Variants in WDR27 observed in about 807,000 individuals in gnomAD.
The protein encoded by WDR27 is WD repeat-containing protein 27.
A neutral mutation model predicts 114.4 loss-of-function variants in WDR27; 100 were observed. That is an observed-to-expected ratio of 0.87 (90% CI 0.74 to 1.03). The LOEUF (loss-of-function observed/expected upper bound fraction) is 1.03. WDR27 is among the 50% of genes least tolerant of loss of function. WDR27 has a pLI of 0.00. For synonymous variants in WDR27, 449 were observed against 423.1 expected, an observed-to-expected ratio of 1.06 and a Z score of -0.75; for missense variants, 1,129 against 1,092.9, an observed-to-expected ratio of 1.03 and a Z score of -0.47.
intron 17 of WDR27, among the ~76,000 whole-genome samples, 176 bp from the exon 18 acceptor site, chr6:169,638,836 G>T (rs1018290469): frequency 6.6e-6 from 1 of 152,240 alleles, no homozygotes; most frequent in Non-Finnish European, 1.5e-5. Flanking sequence ...GAGGCAGGGT[G>T]CACCATCTCC....
chr6:169,586,844 T>G (rs1804692757), intron 23 of WDR27, among the ~76,000 whole-genome samples: 2 of 6,290 alleles, frequency 3.2e-4, no homozygotes, highest in Non-Finnish European at 8.0e-4. Flanking sequence ...CTAGACTCTG[T>G]CTCAAAAAAA....
At chr6:169,444,670 T>G in the WDR27 span, among the ~76,000 whole-genome samples, 182 of 120,690 alleles carry the variant, frequency 1.5e-3, no homozygotes, top group Middle Eastern at 0.023. Flanking sequence ...TGTTTTTTTG[T>G]TTTTTTTTTT....
In WDR27 at chr6:169,694,031, C is replaced by T. The variant is rs114534536; in HGVS notation, c.-7-5019G>A. Among the ~76,000 whole-genome samples, 1,323 of 152,222 alleles carry T rather than the reference C, an allele frequency of 8.7e-3. 19 individuals are homozygous for T. The highest frequency in any genetic ancestry group is 0.031 in the African/African-American group (1,271 of 41,534). ...GCCTTGTTAAATGTAACAGTCATGC[C>T]GGGCGCAGTGGCTCACATCTGTAAT... On this transcript the variant is annotated intron_variant, in intron 1 of 25. Transcript: ENST00000448612.
At chr6:169,432,891 A>G in the WDR27 span, among the ~76,000 whole-genome samples, 5 of 152,232 alleles carry the variant, frequency 3.3e-5, no homozygotes, top group Admixed American at 2.0e-4. Flanking sequence ...AACTTCCTAG[A>G]GACTTGGAGG....
intron 25 of WDR27, among the ~76,000 whole-genome samples, chr6:169,523,670 A>G (rs1344287922): frequency 2.6e-5 from 4 of 152,162 alleles, no homozygotes; most frequent in African/African-American, 4.8e-5. Flanking sequence ...TCACATCAAC[A>G]GAATTAAGGA....
the WDR27 span, among the ~76,000 whole-genome samples, chr6:169,448,373 T>C: frequency 5.6e-4 from 84 of 148,882 alleles, no homozygotes; most frequent in African/African-American, 2.0e-3. Flanking sequence ...TCTCTCTCTC[T>C]CCCTCTGTCT....
chr6:169,586,488 C>G (rs974987792), intron 23 of WDR27, among the ~76,000 whole-genome samples: 1 of 152,048 alleles, frequency 6.6e-6, no homozygotes, highest in Non-Finnish European at 1.5e-5. Flanking sequence ...GGGGGCAAGA[C>G]CACTTTGACG....
rs1344231285 is a variant in WDR27 at position 169,638,634 on chromosome 6, A to C, written c.1774T>G (p.Cys592Gly). 5.6e-6 allele frequency: 9 copies of C among 1,606,098 alleles called. No homozygotes were observed. The highest frequency in any genetic ancestry group is 1.3e-5 in the African/African-American group (1 of 74,746). The stretch of plus-strand genomic sequence containing the variant: ...AGCCACCTCCGGTCCTGGCTCCAGC[A>C]CACGGCATTCACTGCCCCGTCGTGA... ...SGHDGAVNAV[C>G]WSQDRRWLLS... Residue 592 changes from cysteine to glycine, a missense_variant, in exon 18 of 26, where the codon TGC becomes GGC. By Grantham distance (159) the Cys-to-Gly change is radical. Coordinates refer to ENST00000448612, the MANE Select transcript of WDR27 (RefSeq NM_182552.5).
intron 25 of WDR27, among the ~76,000 whole-genome samples, chr6:169,531,026 T>C (rs1262598694): frequency 6.6e-6 from 1 of 152,196 alleles, no homozygotes. Context: ...TAGCACTGCC[T>C]GACATGTTGT....
At chr6:169,530,670 C>T (rs1349720869) in intron 25 of WDR27, among the ~76,000 whole-genome samples, 2 of 152,190 alleles carry the variant, frequency 1.3e-5, no homozygotes, top group African/African-American at 4.8e-5. Context: ...TGGTATAACG[C>T]AGCACCGCCC....
rs1050514812 is a variant in WDR27 at position 169,667,120 on chromosome 6, A to G, written c.712+16T>C. The G allele has an allele frequency of 1.3e-6, 2 of 1,509,064 alleles. No individual in the cohort carries two copies. The highest frequency in any genetic ancestry group is 8.8e-7 in the Non-Finnish European group (1 of 1,131,472). The allele number at this position is 1,509,064 out of a possible 1,614,324, so 93.5% of individuals were successfully genotyped here. The stretch of plus-strand genomic sequence containing the variant: ...ACACAACCTATTTACAGAAAACATG[A>G]AAGTTTTAAATTTACCTGATAACAC... On this transcript the variant is annotated intron_variant, in intron 6 of 25. Transcript: ENST00000448612.
At position 169,553,058 on chromosome 6, in the gene WDR27, CTGTGTGTGTGTGTG is replaced by C. The variant is rs3033612; in HGVS notation, c.2645+19347_2645+19360del. 3.3e-4 allele frequency among the ~76,000 whole-genome samples: 10 copies of C among 30,136 alleles called. 1 individual carries two copies. The highest frequency in any genetic ancestry group is 7.9e-4 in the East Asian group (1 of 1,264). 19.8% of individuals were successfully genotyped at this position (30,136 alleles called of 152,430 possible). ...GGGAGGTGGGGAGGGCCTGGAGGGC[CTGTGTGTGTGTGTG>C]TGTGTGTGTGTGTGTGTGTGTGTAT... On this transcript the variant is annotated intron_variant, in intron 25 of 25. Transcript: ENST00000448612.
chr6:169,674,707 A>C (rs1158995569), intron 2 of WDR27, among the ~76,000 whole-genome samples: 4 of 152,196 alleles, frequency 2.6e-5, no homozygotes, highest in Non-Finnish European at 5.9e-5. Context: ...AAACCCGTAG[A>C]ACCCCAATGA....
At chr6:169,675,739 A>G (rs1779920859) in intron 2 of WDR27, among the ~76,000 whole-genome samples, 1 of 152,204 alleles carries the variant, frequency 6.6e-6, no homozygotes, top group Non-Finnish European at 1.5e-5. Flanking sequence ...GGTTAAGATA[A>G]AGGATTGTGG....
intron 25 of WDR27, among the ~76,000 whole-genome samples, chr6:169,498,156 C>T (rs1453429945): frequency 1.3e-5 from 2 of 151,884 alleles, no homozygotes; most frequent in Non-Finnish European, 2.9e-5. Flanking sequence ...CCAGTTACAA[C>T]AGGGCAAATG....
At chr6:169,690,290 C>A (rs551504848) in intron 1 of WDR27, among the ~76,000 whole-genome samples, 1 of 152,238 alleles carries the variant, frequency 6.6e-6, no homozygotes, top group Non-Finnish European at 1.5e-5. Flanking sequence ...AAAAATCCAC[C>A]CGTGTGCTCC....
At chr6:169,475,595 T>C (rs1787038793) in intron 25 of WDR27, among the ~76,000 whole-genome samples, 1 of 151,446 alleles carries the variant, frequency 6.6e-6, no homozygotes, top group Non-Finnish European at 1.5e-5. Context: ...AATCGTTTTA[T>C]TTTTCACAAT....
chr6:169,669,388 C>T (rs1203261163), intron 4 of WDR27: 1 of 152,196 alleles, frequency 6.6e-6, no homozygotes, highest in Non-Finnish European at 1.5e-5. Context: ...GCAGCAGGCA[C>T]CTGCTTACTC....
chr6:169,665,870 C>T (rs74886251), intron 6 of WDR27, among the ~76,000 whole-genome samples: 3,103 of 152,330 alleles, frequency 0.02, 40 homozygotes, highest in Middle Eastern at 0.099. Flanking sequence ...GCTTAAACCA[C>T]GGCCCAGCTC....
Sources: allele counts gnomAD v4.1 joint callset (sites outside exome capture counted in the v4.1 genomes callset), GRCh38; gene constraint gnomAD v4.1.1; transcripts MANE v1.5; gene names NCBI Gene and HGNC (gene_info 2026-07-23, HGNC 2026-07-21).